PTPRE: variants seen among roughly 807,000 people sequenced by gnomAD.
The protein encoded by PTPRE is receptor-type tyrosine-protein phosphatase epsilon.
Under a neutral mutation model 102.0 loss-of-function variants are expected in PTPRE, and 51 were observed. That is an observed-to-expected ratio of 0.50 (90% CI 0.40 to 0.63). The LOEUF is 0.63. PTPRE is among the 30% of genes least tolerant of loss of function. PTPRE has a pLI of 0.00. For synonymous variants in PTPRE, 345 were observed against 348.2 expected (o/e 0.99, Z 0.10); for missense variants, 752 against 915.1 (o/e 0.82, Z 2.30).
chr10:127,922,729 G>A (rs1484618946), intron 1 of PTPRE, among the ~76,000 whole-genome samples: 1 of 152,216 alleles, frequency 6.6e-6, no homozygotes, highest in African/African-American at 2.4e-5. Flanking sequence ...AACATAGAAA[G>A]GGGACTGAAC....
At chr10:128,014,357 A>G (rs920911206) in intron 2 of PTPRE, among the ~76,000 whole-genome samples, 1 of 152,160 alleles carries the variant, frequency 6.6e-6, no homozygotes, top group Admixed American at 6.5e-5. Flanking sequence ...TAAATAATGC[A>G]TGCACATTGT....
intron 1 of PTPRE, among the ~76,000 whole-genome samples, chr10:127,920,966 A>T (rs1270630618): frequency 1.3e-5 from 2 of 152,178 alleles, no homozygotes; most frequent in African/African-American, 4.8e-5. Flanking sequence ...CTTGGCTCTG[A>T]CGAGCCAGGC....
chr10:127,908,929 CCCT>C (rs1319854938), intron 1 of PTPRE, among the ~76,000 whole-genome samples: 1 of 152,222 alleles, frequency 6.6e-6, no homozygotes, highest in African/African-American at 2.4e-5. Flanking sequence ...GTCACACACT[CCCT>C]CATCAGTTCC....
intron 1 of PTPRE, among the ~76,000 whole-genome samples, chr10:127,933,677 C>A (rs1302850971): frequency 6.6e-6 from 1 of 152,178 alleles, no homozygotes; most frequent in Non-Finnish European, 1.5e-5. Context: ...ATCTAAGGCT[C>A]CCTGGCATTT....
intron 2 of PTPRE, among the ~76,000 whole-genome samples, chr10:127,991,775 C>T (rs145969661): frequency 0.011 from 1,685 of 152,200 alleles, 16 homozygotes; most frequent in South Asian, 0.038. Context: ...GGCCTCTGTC[C>T]GTCCAGCAGG....
Position 128,028,768 on chromosome 10 carries a change from C to T in PTPRE, c.-7-12107C>T, listed in dbSNP as rs7082624. Among the ~76,000 whole-genome samples the T allele has an allele frequency of 6.6e-6, 1 of 151,918 alleles. No individual in the cohort carries two copies. The highest frequency in any genetic ancestry group is 2.1e-4 in the South Asian group (1 of 4,832). On this transcript the variant is annotated intron_variant, in intron 2 of 20. Transcript: ENST00000254667. The surrounding 1 kb of genome is among the most constrained non-coding windows in gnomAD (Gnocchi z 4.5). The stretch of plus-strand genomic sequence containing the variant: ...TCCCAGGAAGAAGCCTCCATCCCTG[C>T]GGAGGGCTTGAGACCCTCTGGGATG...
chr10:127,926,170 C>T (rs1360367487), intron 1 of PTPRE, among the ~76,000 whole-genome samples: 2 of 152,132 alleles, frequency 1.3e-5, no homozygotes, highest in South Asian at 2.1e-4. Flanking sequence ...CTTTTGCTCA[C>T]GGTGAGGAAA....
intron 1 of PTPRE, among the ~76,000 whole-genome samples, chr10:127,960,442 C>T (rs1420487450): frequency 5.3e-5 from 8 of 152,206 alleles, no homozygotes; most frequent in Non-Finnish European, 8.8e-5. Flanking sequence ...GCCCTTTGAT[C>T]ACTTCTGTGT....
intron 2 of PTPRE, among the ~76,000 whole-genome samples, chr10:128,036,351 TACAG>T (rs1424627657): frequency 1.3e-5 from 2 of 151,450 alleles, no homozygotes; most frequent in Admixed American, 1.3e-4. Context: ...ATGCAACTCC[TACAG>T]ACAGTCTCCC....
intron 2 of PTPRE, among the ~76,000 whole-genome samples, chr10:127,995,030 G>A (rs894314999): frequency 2.0e-5 from 3 of 152,152 alleles, no homozygotes; most frequent in East Asian, 3.9e-4. Context: ...GGGCTTCCGG[G>A]TCAATAAACC....
intron 2 of PTPRE, among the ~76,000 whole-genome samples, chr10:127,984,511 A>G (rs185183365): frequency 1.4e-3 from 213 of 152,220 alleles, no homozygotes; most frequent in African/African-American, 4.0e-3. Context: ...TGGGTCTCCT[A>G]TCTGTGCTGC....
chr10:127,993,632 T>C (rs1442692670), intron 2 of PTPRE, among the ~76,000 whole-genome samples: 1 of 152,124 alleles, frequency 6.6e-6, no homozygotes, highest in Non-Finnish European at 1.5e-5. Context: ...AGTTGTATCT[T>C]TGCATTCTTC....
chr10:128,075,279 C>T (rs1851130350), intron 17 of PTPRE, among the ~76,000 whole-genome samples: 2 of 152,182 alleles, frequency 1.3e-5, no homozygotes, highest in Non-Finnish European at 2.9e-5. Context: ...GCTACCTGTA[C>T]ATTCTTTTTT....
rs752652913 is a variant in PTPRE, at chr10:128,023,687, C to T, written c.-7-17188C>T. 2.4e-4 allele frequency among the ~76,000 whole-genome samples: 37 copies of T among 152,326 alleles called. 1 individual carries two copies. The highest frequency in any genetic ancestry group is 3.4e-4 in the African/African-American group (14 of 41,576). Reference sequence around the variant, plus strand: ...AAGCGGGGAACTGCTCTACATAAATCGATGGTGCTTTCCATTAGAGCCACG... The same window carrying T: ...AAGCGGGGAACTGCTCTACATAAATTGATGGTGCTTTCCATTAGAGCCACG... On this transcript the variant is annotated intron_variant, in intron 2 of 20. Transcript: ENST00000254667.
intron 2 of PTPRE, among the ~76,000 whole-genome samples, chr10:128,037,479 C>A (rs1847312702): frequency 6.6e-6 from 1 of 152,170 alleles, no homozygotes; most frequent in African/African-American, 2.4e-5. Flanking sequence ...TGTTCTTCTG[C>A]CTGCCCTTCC....
At chr10:127,993,962 C>T (rs1254209411) in intron 2 of PTPRE, among the ~76,000 whole-genome samples, 3 of 152,130 alleles carry the variant, frequency 2.0e-5, no homozygotes, top group South Asian at 2.1e-4. Context: ...AAGAACCCAG[C>T]GGGATGGAGC....
At position 128,028,964 on chromosome 10, in the gene PTPRE, G is replaced by A. The variant is rs116872111; in HGVS notation, c.-7-11911G>A. ...CTCAGGGTCCCCCCAGAGGCCTCCCGCTGGGATTTGTCTCCACTTTGCAGT... is the reference window on the plus strand; with the variant it reads ...CTCAGGGTCCCCCCAGAGGCCTCCCACTGGGATTTGTCTCCACTTTGCAGT... On this transcript the variant is annotated intron_variant, in intron 2 of 20. Coordinates refer to ENST00000254667, the MANE Select transcript of PTPRE (RefSeq NM_006504.6). This position sits in a 1 kb window ranked among gnomAD's most constrained non-coding sequence, Gnocchi z 4.5. Among the ~76,000 whole-genome samples the A allele has an allele frequency of 5.1e-3, 769 of 152,276 alleles. 11 individuals carry two copies. Among genetic ancestry groups the A allele is most frequent in the Non-Finnish European group, 6.6e-3 (452 of 68,000 alleles).
At chr10:127,916,094 C>G (rs139180956) in intron 1 of PTPRE, among the ~76,000 whole-genome samples, 1 of 151,906 alleles carries the variant, frequency 6.6e-6, no homozygotes, top group African/African-American at 2.4e-5. Flanking sequence ...AAATGTGATG[C>G]TGGATGCTCC....
At chr10:127,924,028 A>T (rs1846821569) in intron 1 of PTPRE, among the ~76,000 whole-genome samples, 2 of 152,236 alleles carry the variant, frequency 1.3e-5, no homozygotes, top group South Asian at 4.1e-4. Flanking sequence ...GTCAAGATGC[A>T]TACAAATAAA....
Sources: gnomAD v4.1 joint callset for allele counts (sites outside exome capture counted in the v4.1 genomes callset) on GRCh38, gnomAD v4.1.1 for gene constraint, Gnocchi (gnomAD v3.1) non-coding constraint, MANE v1.5 for transcripts, NCBI Gene and HGNC (gene_info 2026-07-23, HGNC 2026-07-21) for gene names.